The following CREB5 variants were observed in gnomAD, a reference collection of about 807,000 sequenced individuals.
The protein encoded by CREB5 is cAMP responsive element binding protein 5, also known as cyclic AMP-responsive element-binding protein 5.
In CREB5, 19 loss-of-function variants were observed where a neutral mutation model predicts 57.1. The ratio of observed to expected loss-of-function variants is 0.33; its 90% CI spans 0.23 to 0.49. The LOEUF (loss-of-function observed/expected upper bound fraction) is 0.49, where lower values mean the gene tolerates loss of function less well. Ranked by LOEUF, CREB5 falls within the 20% of genes least tolerant of loss-of-function variation. The pLI, the probability that CREB5 is intolerant of heterozygous loss-of-function variation, is 0.99. For missense variants in CREB5, 579 were observed against 671.6 expected, an observed-to-expected ratio of 0.86 and a Z score of 1.52; for synonymous variants, 238 against 238.3, an observed-to-expected ratio of 1.00 and a Z score of 0.01.
At chr7:28,783,922 A>T (rs2128785738) in intron 7 of CREB5, among the ~76,000 whole-genome samples, 1 of 152,354 alleles carries the variant, frequency 6.6e-6, no homozygotes, top group East Asian at 1.9e-4. Flanking sequence ...GCCTGGACAG[A>T]GTGCCGATAC....
At chr7:28,612,446 T>C (rs1797427761) in intron 5 of CREB5, among the ~76,000 whole-genome samples, 1 of 152,078 alleles carries the variant, frequency 6.6e-6, no homozygotes. Flanking sequence ...AAATGTATGC[T>C]GTGCTGATGA....
chr7:28,494,371 T>C (rs1437691263), intron 2 of CREB5, among the ~76,000 whole-genome samples: 2 of 152,322 alleles, frequency 1.3e-5, no homozygotes, highest in African/African-American at 2.4e-5. Flanking sequence ...AGGACACAGC[T>C]CATTTTTTTG....
At chr7:28,560,863 TGCCTGCGTGCGCGTGCGTGCGTGC>T (rs1795116224) in intron 4 of CREB5, among the ~76,000 whole-genome samples, 11 of 24,240 alleles carry the variant, frequency 4.5e-4, no homozygotes, top group African/African-American at 1.0e-3. Flanking sequence ...TGTGTGCGTG[TGCCTGCGTGCGCGTGCGTGCGTGC>T]GTGTGTGTGC....
At chr7:28,428,834 CCCAG>C (rs1788608310) in intron 1 of CREB5, among the ~76,000 whole-genome samples, 1 of 152,084 alleles carries the variant, frequency 6.6e-6, no homozygotes, top group African/African-American at 2.4e-5. Flanking sequence ...CAGAGTGAGC[CCCAG>C]CCACGCTGGG....
At chr7:28,678,491 G>A (rs1800428923) in intron 5 of CREB5, among the ~76,000 whole-genome samples, 1 of 152,092 alleles carries the variant, frequency 6.6e-6, no homozygotes, top group African/African-American at 2.4e-5. Flanking sequence ...TTATACCAAA[G>A]CATTTAAAAG....
chr7:28,717,279 G>A (rs892497451), intron 5 of CREB5, among the ~76,000 whole-genome samples: 10 of 151,578 alleles, frequency 6.6e-5, no homozygotes, highest in Admixed American at 1.3e-4. Context: ...GGCTGGTCTC[G>A]AACTCTTTAT....
At chr7:28,665,360 C>T (rs965152537) in intron 5 of CREB5, among the ~76,000 whole-genome samples, 2 of 152,140 alleles carry the variant, frequency 1.3e-5, no homozygotes, top group African/African-American at 2.4e-5. Flanking sequence ...AAACAACTTG[C>T]AGAAACATCT....
chr7:28,639,790 T>C (rs1798575335), intron 5 of CREB5, among the ~76,000 whole-genome samples: 2 of 152,190 alleles, frequency 1.3e-5, no homozygotes, highest in Admixed American at 6.5e-5. Context: ...GTTCCTTTGA[T>C]ACTTAAAAGC....
chr7:28,815,829 A>C (rs1809407409), intron 9 of CREB5, among the ~76,000 whole-genome samples: 1 of 152,148 alleles, frequency 6.6e-6, no homozygotes. Context: ...AAGAGAACCC[A>C]GTTTTGTTTT....
intron 4 of CREB5, among the ~76,000 whole-genome samples, chr7:28,532,681 A>G (rs1258968147): frequency 6.6e-6 from 1 of 152,270 alleles, no homozygotes. Flanking sequence ...TTTATTTACT[A>G]CAACTACAAA....
chr7:28,542,170 T>C (rs1794234404), intron 4 of CREB5, among the ~76,000 whole-genome samples: 1 of 152,066 alleles, frequency 6.6e-6, no homozygotes, highest in South Asian at 2.1e-4. Flanking sequence ...TACCGAAGAG[T>C]AAGTTTCATT....
At chr7:28,765,839 C>T (rs1196628127) in intron 7 of CREB5, among the ~76,000 whole-genome samples, 1 of 152,152 alleles carries the variant, frequency 6.6e-6, no homozygotes, top group African/African-American at 2.4e-5. Flanking sequence ...CCCCACCATG[C>T]CTCGAGCCTG....
intron 5 of CREB5, among the ~76,000 whole-genome samples, chr7:28,714,918 G>A (rs1167874504): frequency 6.6e-6 from 1 of 152,182 alleles, no homozygotes; most frequent in Admixed American, 6.5e-5. Context: ...CCTGCACCAA[G>A]TCTGGAATTA....
At chr7:28,359,491 G>T (rs1333662715) in intron 1 of CREB5, among the ~76,000 whole-genome samples, 2 of 152,194 alleles carry the variant, frequency 1.3e-5, no homozygotes, top group Admixed American at 6.5e-5. Flanking sequence ...GTTCAATAAA[G>T]GGTGTTGAGG....
chr7:28,344,722 T>A (rs1194276301), intron 1 of CREB5, among the ~76,000 whole-genome samples: 4 of 146,528 alleles, frequency 2.7e-5, no homozygotes, highest in Admixed American at 6.8e-5. Context: ...TAAGTGGATT[T>A]AAAAAAAAAA....
At chr7:28,811,623 G>A (rs559385191) in intron 9 of CREB5, among the ~76,000 whole-genome samples, 6 of 152,048 alleles carry the variant, frequency 3.9e-5, no homozygotes, top group South Asian at 2.1e-4. Flanking sequence ...CTCCCACCTC[G>A]GCCTACAAAA....
At chr7:28,351,138 ATG>A (rs1222648861) in intron 1 of CREB5, among the ~76,000 whole-genome samples, 1 of 152,198 alleles carries the variant, frequency 6.6e-6, no homozygotes, top group Non-Finnish European at 1.5e-5. Context: ...AGTGGCTGGG[ATG>A]GTAAGGAGAA....
intron 4 of CREB5, among the ~76,000 whole-genome samples, chr7:28,550,560 C>T (rs904086259): frequency 6.6e-5 from 10 of 152,208 alleles, no homozygotes; most frequent in African/African-American, 2.4e-4. Context: ...TCCCCGACTA[C>T]TTTCCCTGCA....
rs1214509215 is a variant in CREB5, at chr7:28,818,051, T to C, written c.1255-20T>C. On this transcript the variant is annotated intron_variant, in intron 9 of 10. Transcript: ENST00000357727. ...ATCCTCTGGTCTTCTCAACATGGTTTTAATACATATCTCTTTTAGAATGAA... is the reference window on the plus strand; with the variant it reads ...ATCCTCTGGTCTTCTCAACATGGTTCTAATACATATCTCTTTTAGAATGAA... 6.2e-7 allele frequency: 1 copy of C among 1,600,494 alleles called. No homozygotes were observed. Among genetic ancestry groups the C allele is most frequent in the Non-Finnish European group, 8.5e-7 (1 of 1,169,856 alleles).
Sources: allele counts gnomAD v4.1 joint callset (sites outside exome capture counted in the v4.1 genomes callset), GRCh38; gene constraint gnomAD v4.1.1; transcripts MANE v1.5; gene names NCBI Gene and HGNC (gene_info 2026-07-23, HGNC 2026-07-21).